The following IKBKB-DT variants were observed in gnomAD, a reference collection of about 807,000 sequenced individuals.
IKBKB-DT encodes IKBKB divergent transcript, also known as IKBKB antisense RNA.
intron 2 of IKBKB-DT, among the ~76,000 whole-genome samples, chr8:42,264,865 A>ATT (rs199943358): frequency 1.5e-5 from 2 of 135,482 alleles, no homozygotes; most frequent in African/African-American, 5.5e-5. Flanking sequence ...GGCCTTAAAC[A>ATT]TTTTTTTTTT....
rs35087510 is a variant in IKBKB-DT, at chr8:42,238,024, C to CAAAAAAAAA, written n.1530-4174_1530-4166dup. Among the ~76,000 whole-genome samples the CAAAAAAAAA allele has an allele frequency of 3.4e-4, 12 of 35,254 alleles. 2 individuals are homozygous for CAAAAAAAAA. Among genetic ancestry groups the CAAAAAAAAA allele is most frequent in the South Asian group, 1.2e-3 (1 of 828 alleles). The allele number at this position is 35,254 out of a possible 152,430, so 23.1% of individuals were successfully genotyped here. A position where few individuals can be genotyped will look rare whatever the true frequency, so the allele number is the denominator to read the frequency against. On this transcript the variant is annotated intron_variant and non_coding_transcript_variant, in intron 3 of 3. Transcript: ENST00000518213. ...TGGGCAACAGAGCAAGGCCCTCTCTCAAAAAAAAAAAAAAAAAAAAAAAAA... is the reference window on the plus strand; with the variant it reads ...TGGGCAACAGAGCAAGGCCCTCTCTCAAAAAAAAAAAAAAAAAAAAAAAAAAAAAAAAAA...
intron 3 of IKBKB-DT, among the ~76,000 whole-genome samples, chr8:42,243,269 G>C (rs1183454561): frequency 6.6e-6 from 1 of 152,192 alleles, no homozygotes; most frequent in Non-Finnish European, 1.5e-5. Flanking sequence ...CCTCCTGGTG[G>C]GTGAGCGTTC....
chr8:42,267,568 C>T (rs1807392625), intron 1 of IKBKB-DT, among the ~76,000 whole-genome samples: 2 of 152,034 alleles, frequency 1.3e-5, no homozygotes, highest in African/African-American at 4.8e-5. Flanking sequence ...TGCTTGGATC[C>T]CCTGGGTCAG....
At chr8:42,234,936 T>C (rs1047416756) in intron 3 of IKBKB-DT, among the ~76,000 whole-genome samples, 3 of 152,186 alleles carry the variant, frequency 2.0e-5, no homozygotes, top group African/African-American at 4.8e-5. Flanking sequence ...GCCTATTTTA[T>C]AGTTTAAATG....
intron 2 of IKBKB-DT, chr8:42,265,542 C>T (rs1368082417): frequency 1.3e-5 from 2 of 152,138 alleles, no homozygotes; most frequent in East Asian, 1.9e-4. Flanking sequence ...GACTAGAGTC[C>T]GGCAGCTGAG....
chr8:42,252,836 A>G (rs768373783), intron 3 of IKBKB-DT, among the ~76,000 whole-genome samples: 1 of 152,234 alleles, frequency 6.6e-6, no homozygotes, highest in East Asian at 1.9e-4. Flanking sequence ...TTCTCATCAG[A>G]TGGGTTTTAT....
intron 3 of IKBKB-DT, among the ~76,000 whole-genome samples, chr8:42,257,239 T>C (rs1424124315): frequency 1.3e-5 from 2 of 152,232 alleles, no homozygotes; most frequent in East Asian, 1.9e-4. Context: ...TGCAGTGGCT[T>C]ATGCCTATAA....
rs529856828 is a variant in IKBKB-DT, at chr8:42,253,476, C to T, written n.1529+9853G>A. On this transcript the variant is annotated intron_variant and non_coding_transcript_variant, in intron 3 of 3. Coordinates refer to ENST00000518213, the Ensembl canonical transcript of IKBKB-DT. ...AGCTTCATGAAAAGAGCAGTTTGTT[C>T]TTAGTGATTCCAAGTCAGAAGGGTT... Among the ~76,000 whole-genome samples the T allele has an allele frequency of 4.6e-5, 7 of 152,196 alleles. No homozygotes were observed. The South Asian group carries it at 1.2e-3, about 27-fold the overall frequency.
intron 3 of IKBKB-DT, among the ~76,000 whole-genome samples, chr8:42,238,736 C>T (rs1482173797): frequency 6.6e-6 from 1 of 152,156 alleles, no homozygotes; most frequent in Admixed American, 6.5e-5. Flanking sequence ...TCCACCTGGA[C>T]CCAAGGGTCA....
intron 3 of IKBKB-DT, among the ~76,000 whole-genome samples, chr8:42,259,791 GAAC>G (rs1425591446): frequency 6.6e-6 from 1 of 152,044 alleles, no homozygotes; most frequent in Non-Finnish European, 1.5e-5. Context: ...AGACCAGCCT[GAAC>G]AACATGGCAA....
At chr8:42,271,105 T>C (rs143301862) in exon 1 of IKBKB-DT, 155 of 460,392 alleles carry the variant, frequency 3.4e-4, no homozygotes, top group African/African-American at 3.1e-3. Flanking sequence ...GGGGGTCATT[T>C]CAGGGCTGTT....
intron 3 of IKBKB-DT, among the ~76,000 whole-genome samples, chr8:42,248,567 G>C (rs904292619): frequency 3.3e-5 from 5 of 152,096 alleles, no homozygotes; most frequent in African/African-American, 1.2e-4. Flanking sequence ...ACTTTAATTG[G>C]GTGGGTATGC....
intron 3 of IKBKB-DT, among the ~76,000 whole-genome samples, chr8:42,250,995 A>G (rs1205372688): frequency 1.3e-5 from 2 of 152,196 alleles, no homozygotes; most frequent in Non-Finnish European, 2.9e-5. Context: ...CACTTTGCCC[A>G]GCACTTTGGG....
intron 3 of IKBKB-DT, among the ~76,000 whole-genome samples, chr8:42,256,429 G>A (rs1165214829): frequency 6.6e-6 from 1 of 150,552 alleles, no homozygotes; most frequent in Non-Finnish European, 1.5e-5. Flanking sequence ...AAAAATAGCT[G>A]TGGGTGGTGG....
intron 1 of IKBKB-DT, among the ~76,000 whole-genome samples, chr8:42,267,542 T>A (rs1048936914): frequency 7.2e-5 from 11 of 152,180 alleles, no homozygotes; most frequent in Non-Finnish European, 8.8e-5. Context: ...GTGCCTCTGA[T>A]GAGATCTCAT....
chr8:42,236,048 A>C (rs1238196362), intron 3 of IKBKB-DT, among the ~76,000 whole-genome samples: 1 of 152,204 alleles, frequency 6.6e-6, no homozygotes, highest in African/African-American at 2.4e-5. Flanking sequence ...ACAACAAAAA[A>C]CAAAAAACTA....
intron 3 of IKBKB-DT, chr8:42,255,257 C>T (rs1251675216): frequency 6.6e-6 from 1 of 152,196 alleles, no homozygotes; most frequent in Non-Finnish European, 1.5e-5. Context: ...TTTCTGTCTT[C>T]CCCAAGTTCG....
chr8:42,237,388 G>A (rs571690612), intron 3 of IKBKB-DT, among the ~76,000 whole-genome samples: 11 of 152,054 alleles, frequency 7.2e-5, no homozygotes, highest in Non-Finnish European at 1.3e-4. Context: ...GCCCGGCCTA[G>A]TCTTATGATC....
chr8:42,268,292 G>A (rs900232420), intron 1 of IKBKB-DT, among the ~76,000 whole-genome samples: 24 of 151,506 alleles, frequency 1.6e-4, no homozygotes, highest in African/African-American at 5.6e-4. Flanking sequence ...GTGCCACCAC[G>A]CCCAGCTAAT....
Sources: gnomAD v4.1 joint callset for allele counts (sites outside exome capture counted in the v4.1 genomes callset) on GRCh38, gnomAD v4.1.1 for gene constraint, MANE v1.5 for transcripts, NCBI Gene and HGNC (gene_info 2026-07-23, HGNC 2026-07-21) for gene names.